Variants in PCDHGA1 observed in about 807,000 individuals in gnomAD.
PCDHGA1 encodes protocadherin gamma-A1.
A neutral mutation model predicts 58.0 loss-of-function variants in PCDHGA1; 32 were observed. The ratio of observed to expected loss-of-function variants is 0.55; its 90% CI spans 0.42 to 0.74. The LOEUF (loss-of-function observed/expected upper bound fraction) is 0.74, where lower values mean the gene tolerates loss of function less well. PCDHGA1 is among the 30% of genes least tolerant of loss of function. The pLI is 0.00. For missense variants in PCDHGA1, 1,205 were observed against 1,182.3 expected (o/e 1.02, Z -0.28); for synonymous variants, 498 against 501.1 (o/e 0.99, Z 0.08).
chr5:141,419,216 G>C, intron 1 of PCDHGA1: 3 of 1,613,886 alleles, frequency 1.9e-6, no homozygotes, highest in Admixed American at 1.7e-5. Flanking sequence ...GCCGGTTTTC[G>C]GACAGTCAGC....
At chr5:141,343,099 A>T in intron 1 of PCDHGA1, 2 of 171,582 alleles carry the variant, frequency 1.2e-5, no homozygotes, top group Non-Finnish European at 2.3e-5. Context: ...ATCTCAGTAC[A>T]CTGCAATTCC....
chr5:141,438,789 G>C (rs970735448), intron 1 of PCDHGA1, among the ~76,000 whole-genome samples: 23 of 149,578 alleles, frequency 1.5e-4, no homozygotes, highest in African/African-American at 5.4e-4. Flanking sequence ...AGCCTCTCCA[G>C]TAGCTGGGAT....
chr5:141,472,673 C>T (rs2099292538), intron 1 of PCDHGA1, among the ~76,000 whole-genome samples: 3 of 151,340 alleles, frequency 2.0e-5, no homozygotes, highest in Admixed American at 2.0e-4. Context: ...GTATACTGGT[C>T]CTTCCATTTC....
chr5:141,443,781 CA>C (rs1227271563), intron 1 of PCDHGA1, among the ~76,000 whole-genome samples: 2 of 150,514 alleles, frequency 1.3e-5, no homozygotes, highest in African/African-American at 2.4e-5. Flanking sequence ...ACCAAAAAGA[CA>C]AAAAAAATGA....
intron 1 of PCDHGA1, chr5:141,421,360 T>G (rs549572548): frequency 6.2e-7 from 1 of 1,613,980 alleles, no homozygotes; most frequent in African/African-American, 1.3e-5. Context: ...AAAGGGCTCC[T>G]TCGTGGGCAA....
intron 1 of PCDHGA1, chr5:141,407,978 A>ATCCGTCAGCCTCTGGCCTGGGAT (rs2095018425): frequency 2.7e-6 from 2 of 743,974 alleles, no homozygotes; most frequent in Non-Finnish European, 4.1e-6. Context: ...GACGCCGGGG[A>ATCCGTCAGCCTCTGGCCTGGGAT]TCCGTCAGCC....
At chr5:141,375,616 T>A (rs745318336) in intron 1 of PCDHGA1, 5 of 1,614,200 alleles carry the variant, frequency 3.1e-6, no homozygotes, top group Admixed American at 1.7e-5. Flanking sequence ...ACTCCGACAC[T>A]GGGATTCTGT....
At chr5:141,383,846 A>C (rs745543311) in intron 1 of PCDHGA1, 1 of 1,613,960 alleles carries the variant, frequency 6.2e-7, no homozygotes, top group Admixed American at 1.7e-5. Context: ...GCCTTCTATG[A>C]AATGGAGGTT....
Position 141,476,437 on chromosome 5 carries a change from T to C in PCDHGA1, c.2422-18370T>C, listed in dbSNP as rs1260141259. The C allele has an allele frequency of 6.2e-7, 1 of 1,614,004 alleles. No homozygotes were observed. Among genetic ancestry groups the C allele is most frequent in the East Asian group, 2.2e-5 (1 of 44,836 alleles). ...GGACACTGCCCTCTTGCACTGTAAC[T>C]CTGGAGTTGGTAGTGGAGAACCCGC... On this transcript the variant is annotated intron_variant, in intron 1 of 3. Transcript: ENST00000517417. This position sits in a 1 kb window ranked among gnomAD's most constrained non-coding sequence, Gnocchi z 7.6.
chr5:141,393,492 C>T (rs778632774), intron 1 of PCDHGA1: 11 of 1,613,922 alleles, frequency 6.8e-6, no homozygotes, highest in African/African-American at 1.3e-5. Flanking sequence ...TAGCACAGTG[C>T]GCATCCACGT....
At chr5:141,503,679 G>A (rs562303239) in intron 2 of PCDHGA1, among the ~76,000 whole-genome samples, 1 of 152,054 alleles carries the variant, frequency 6.6e-6, no homozygotes, top group East Asian at 1.9e-4. Context: ...CCACTTTTGG[G>A]AAGGAGAATT....
intron 1 of PCDHGA1, chr5:141,377,467 A>C (rs1170946460): frequency 6.6e-6 from 1 of 152,194 alleles, no homozygotes; most frequent in South Asian, 2.1e-4. Context: ...TGTGTGGCGT[A>C]CACCTGTAGT....
intron 1 of PCDHGA1, among the ~76,000 whole-genome samples, chr5:141,467,854 T>C (rs1337373000): frequency 6.6e-6 from 1 of 151,968 alleles, no homozygotes; most frequent in Admixed American, 6.6e-5. Flanking sequence ...GAATGAGATT[T>C]CACCATGTTG....
intron 1 of PCDHGA1, chr5:141,384,303 G>A (rs1199465212): frequency 1.2e-6 from 2 of 1,613,716 alleles, no homozygotes; most frequent in East Asian, 4.5e-5. Context: ...ACCCCAGAGG[G>A]GCCTCCATTT....
At chr5:141,344,928 G>A (rs1407685548) in intron 1 of PCDHGA1, 3 of 1,613,848 alleles carry the variant, frequency 1.9e-6, no homozygotes, top group Non-Finnish European at 2.5e-6. Flanking sequence ...CTCAGTGAGT[G>A]GAGAAGTATC....
chr5:141,448,945 A>G (rs1288079348), intron 1 of PCDHGA1, among the ~76,000 whole-genome samples: 1 of 151,716 alleles, frequency 6.6e-6, no homozygotes, highest in Non-Finnish European at 1.5e-5. Context: ...ACTGCAACTC[A>G]AAAAAACAAA....
chr5:141,492,471 C>T (rs937691695), intron 1 of PCDHGA1, among the ~76,000 whole-genome samples: 8 of 152,240 alleles, frequency 5.3e-5, no homozygotes, highest in Non-Finnish European at 1.0e-4. Flanking sequence ...GGTCCCAGAT[C>T]GCGGCCGCCC....
At chr5:141,400,459 G>C (rs1287515286) in intron 1 of PCDHGA1, 1 of 1,614,072 alleles carries the variant, frequency 6.2e-7, no homozygotes, top group Admixed American at 1.7e-5. Flanking sequence ...CATACTTTGT[G>C]GTGATTCATC....
At position 141,414,719 on chromosome 5, in the gene PCDHGA1, C is replaced by T. The variant is rs1361757630; in HGVS notation, c.2422-80088C>T. On this transcript the variant is annotated intron_variant, in intron 1 of 3. Transcript: ENST00000517417. ...TCATACATATCCATCAACTCAGACA[C>T]TGGCGTCCTGTATGCACTCAGATCC... The T allele has an allele frequency of 1.2e-6, 2 of 1,614,050 alleles. No individual in the cohort carries two copies. Among genetic ancestry groups the T allele is most frequent in the African/African-American group, 1.3e-5 (1 of 74,934 alleles).
Sources: gnomAD v4.1 joint callset for allele counts (sites outside exome capture counted in the v4.1 genomes callset) on GRCh38, gnomAD v4.1.1 for gene constraint, Gnocchi (gnomAD v3.1) non-coding constraint, MANE v1.5 for transcripts, NCBI Gene and HGNC (gene_info 2026-07-23, HGNC 2026-07-21) for gene names.